DROSHA: variants seen among roughly 807,000 people sequenced by gnomAD.
DROSHA encodes drosha ribonuclease III.
Under a neutral mutation model 181.9 loss-of-function variants are expected in DROSHA, and 56 were observed. The observed-to-expected ratio is 0.31, with a 90% CI of 0.25 to 0.38. DROSHA has a LOEUF of 0.38. Among genes scored for constraint, DROSHA ranks in the 10% least tolerant of loss-of-function variants. DROSHA has a pLI of 1.00. For missense variants in DROSHA, 1,218 were observed against 1,743.5 expected, an observed-to-expected ratio of 0.70 and a Z score of 5.37; for synonymous variants, 524 against 591.2, an observed-to-expected ratio of 0.89 and a Z score of 1.65.
chr5:31,446,446 C>CAAAAAAAAAAAAAAAA (rs60001713), intron 23 of DROSHA, among the ~76,000 whole-genome samples: 13 of 59,350 alleles, frequency 2.2e-4, no homozygotes, highest in South Asian at 1.6e-3. Flanking sequence ...GACTCTGTCT[C>CAAAAAAAAAAAAAAAA]AAAAAAAAAA....
chr5:31,432,265 G>A (rs1744273028), intron 25 of DROSHA, among the ~76,000 whole-genome samples: 1 of 151,890 alleles, frequency 6.6e-6, no homozygotes, highest in Non-Finnish European at 1.5e-5. Flanking sequence ...CCGAGTAGAT[G>A]GGACTACAGG....
intron 27 of DROSHA, among the ~76,000 whole-genome samples, chr5:31,428,869 T>G (rs1007646064): frequency 6.6e-6 from 1 of 152,206 alleles, no homozygotes; most frequent in Non-Finnish European, 1.5e-5. Context: ...CTCTATTACA[T>G]GCAGGATTAA....
At chr5:31,442,037 C>A (rs2150009029) in intron 23 of DROSHA, among the ~76,000 whole-genome samples, 1 of 152,278 alleles carries the variant, frequency 6.6e-6, no homozygotes, top group East Asian at 1.9e-4. Context: ...TAACTGAAGT[C>A]ATATTGGCAT....
intron 11 of DROSHA, 98 bp from the exon 12 acceptor site, chr5:31,495,470 G>T (rs1459869227): frequency 1.1e-5 from 13 of 1,138,592 alleles, no homozygotes; most frequent in Admixed American, 1.1e-4. Flanking sequence ...AACAAAACAG[G>T]TTTTATGTCT....
chr5:31,515,321 T>A, intron 7 of DROSHA, 102 bp from the exon 8 acceptor site: 3 of 1,296,198 alleles, frequency 2.3e-6, no homozygotes, highest in African/African-American at 3.0e-5. Context: ...AAAATATGAA[T>A]ACCATGCCAA....
chr5:31,477,803 G>C (rs1750576869), intron 16 of DROSHA, among the ~76,000 whole-genome samples: 1 of 152,174 alleles, frequency 6.6e-6, no homozygotes, highest in African/African-American at 2.4e-5. Context: ...CAACTATTTT[G>C]CGACCAAAGG....
Position 31,441,886 on chromosome 5 carries a change from T to C in DROSHA, c.2883-4588A>G, listed in dbSNP as rs922626898. ...AGTACTATACAGAAAAATCTTCACA[T>C]GGAAAGCAAGAAACTGGGGACAAAG... On this transcript the variant is annotated intron_variant, in intron 23 of 35. Transcript: ENST00000344624. Among the ~76,000 whole-genome samples the C allele has an allele frequency of 2.8e-4, 42 of 152,168 alleles. 1 individual carries two copies. Among genetic ancestry groups the C allele is most frequent in the African/African-American group, 9.9e-4 (41 of 41,448 alleles).
In DROSHA at chr5:31,516,326, A is replaced by T. The variant is rs566271930; in HGVS notation, c.948-762T>A. 3.3e-5 allele frequency among the ~76,000 whole-genome samples: 5 copies of T among 152,356 alleles called. No individual in the cohort carries two copies. In the South Asian group the frequency reaches 1.0e-3, roughly 32 times the overall value. On this transcript the variant is annotated intron_variant, in intron 6 of 35. Transcript: ENST00000344624. ...CCCAAGAAATTTAGGTAGAACACAG[A>T]GACCTTGAGAATCCAGCTAAGTAGA... is the stretch of plus-strand genomic sequence containing the variant.
rs1224046003 is a variant in DROSHA, at chr5:31,484,980, ATTAAAT to A, written c.1915-24_1915-19del. The A allele has an allele frequency of 6.5e-7, 1 of 1,529,766 alleles. No individual in the cohort carries two copies. Among genetic ancestry groups the A allele is most frequent in the Non-Finnish European group, 8.8e-7 (1 of 1,135,796 alleles). The allele number at this position is 1,529,766 out of a possible 1,614,324, so 94.8% of individuals were successfully genotyped here. Reference sequence around the variant, plus strand: ...CAAAAATTCTGAAAAATAAACCAAAATTAAATTACTGTAGTTTGGCAAAATATACAT... The same window carrying A: ...CAAAAATTCTGAAAAATAAACCAAAATACTGTAGTTTGGCAAAATATACAT... On this transcript the variant is annotated intron_variant, in intron 14 of 35. Coordinates refer to ENST00000344624, the MANE Select transcript of DROSHA (RefSeq NM_001382508.1).
At chr5:31,452,176 A>G (rs1747114399) in intron 20 of DROSHA, among the ~76,000 whole-genome samples, 1 of 152,158 alleles carries the variant, frequency 6.6e-6, no homozygotes, top group Non-Finnish European at 1.5e-5. Flanking sequence ...TAGGGTCAAG[A>G]TATTTTTGGG....
intron 20 of DROSHA, among the ~76,000 whole-genome samples, chr5:31,456,463 TACACACACACACACAC>T (rs35756228): frequency 1.4e-5 from 2 of 146,538 alleles, no homozygotes; most frequent in East Asian, 2.0e-4. Context: ...GACAACAAGA[TACACACACACACACAC>T]ACACACACAC....
At chr5:31,516,284 G>T (rs775708401) in intron 6 of DROSHA, among the ~76,000 whole-genome samples, 1 of 152,102 alleles carries the variant, frequency 6.6e-6, no homozygotes, top group Non-Finnish European at 1.5e-5. Context: ...AACCTACAGG[G>T]TAGATTTTAA....
At chr5:31,484,138 G>A (rs904587589) in intron 15 of DROSHA, among the ~76,000 whole-genome samples, 11 of 151,996 alleles carry the variant, frequency 7.2e-5, no homozygotes, top group African/African-American at 2.4e-4. Flanking sequence ...TTGGGAGGCC[G>A]AGGCAGGCGG....
chr5:31,454,767 C>T lies in DROSHA; in HGVS notation c.2575-3127G>A, dbSNP rs112483615. Among the ~76,000 whole-genome samples, 1,312 of 151,662 alleles carry T rather than the reference C, an allele frequency of 8.7e-3. 26 individuals carry two copies. Among genetic ancestry groups the T allele is most frequent in the African/African-American group, 0.03 (1,243 of 41,342 alleles). ...CATCCTGGCTAACATGGTGAGACCCCGTCTCTACTAAAAACACAAAAAATT... is the reference window on the plus strand; with the variant it reads ...CATCCTGGCTAACATGGTGAGACCCTGTCTCTACTAAAAACACAAAAAATT... On this transcript the variant is annotated intron_variant, in intron 20 of 35. Coordinates refer to ENST00000344624, the MANE Select transcript of DROSHA (RefSeq NM_001382508.1).
At chr5:31,428,467 A>G (rs528870880) in intron 27 of DROSHA, among the ~76,000 whole-genome samples, 6 of 152,212 alleles carry the variant, frequency 3.9e-5, no homozygotes, top group Non-Finnish European at 8.8e-5. Flanking sequence ...CAAGATGCAC[A>G]TGTGTTTATA....
chr5:31,518,185 TG>T (rs1739479806), intron 6 of DROSHA, among the ~76,000 whole-genome samples: 1 of 152,100 alleles, frequency 6.6e-6, no homozygotes, highest in Non-Finnish European at 1.5e-5. Flanking sequence ...TGTAACACAG[TG>T]GTAAATATTT....
At chr5:31,459,146 A>C (rs1020714793) in intron 20 of DROSHA, among the ~76,000 whole-genome samples, 1 of 152,206 alleles carries the variant, frequency 6.6e-6, no homozygotes, top group African/African-American at 2.4e-5. Flanking sequence ...TATTACAGAA[A>C]TGCTTCTGAA....
At chr5:31,432,709 TA>T (rs1744325410) in intron 25 of DROSHA, among the ~76,000 whole-genome samples, 1 of 152,154 alleles carries the variant, frequency 6.6e-6, no homozygotes, top group South Asian at 2.1e-4. Context: ...GCCAAATTTG[TA>T]GCCCAGTTGT....
intron 23 of DROSHA, among the ~76,000 whole-genome samples, chr5:31,441,493 G>A (rs1041029250): frequency 2.0e-5 from 3 of 151,488 alleles, no homozygotes; most frequent in East Asian, 1.9e-4. Context: ...TTTTTTTGTC[G>A]CTACTCCACT....
Sources: allele counts gnomAD v4.1 joint callset (sites outside exome capture counted in the v4.1 genomes callset), GRCh38; gene constraint gnomAD v4.1.1; transcripts MANE v1.5; gene names NCBI Gene and HGNC (gene_info 2026-07-23, HGNC 2026-07-21).